The following MSH3 variants were observed in gnomAD, a reference collection of about 807,000 sequenced individuals.
The protein encoded by MSH3 is mutS homolog 3.
MSH3 carries 106 observed loss-of-function variants against 123.3 expected under a neutral mutation model. That is an observed-to-expected ratio of 0.86 (90% CI 0.73 to 1.01). MSH3 has a LOEUF of 1.01. Ranked by LOEUF, MSH3 falls within the 50% of genes least tolerant of loss-of-function variation. The probability of loss-of-function intolerance (pLI) is 0.00; values close to 1 mark genes in which losing one functional copy is unlikely to be tolerated. For synonymous variants in MSH3, 515 were observed against 481.4 expected (o/e 1.07, Z -0.91); for missense variants, 1,459 against 1,347.6 (o/e 1.08, Z -1.29).
rs1749675919 is a variant in MSH3, at chr5:80,670,292, T to C, written c.775T>C (p.Phe259Leu). 1 of 1,614,146 alleles carries C rather than the reference T, an allele frequency of 6.2e-7. No individual in the cohort carries two copies. Among genetic ancestry groups the C allele is most frequent in the Non-Finnish European group, 8.5e-7 (1 of 1,180,012 alleles). The change falls in exon 4 of 24, where the codon TTT (phenylalanine) becomes CTT (leucine). Residue 259 changes from phenylalanine (F) to leucine (L), a missense_variant. By Grantham distance (22) the Phe-to-Leu change is conservative. Transcript: ENST00000265081. Reference protein sequence around the residue: ...CVECGYKYRFFGEDAEIAARE... With the variant: ...CVECGYKYRFLGEDAEIAARE... ...GGAATGTGGATATAAGTATAGATTC[T>C]TTGGGGAAGATGCAGAGGTAAGTCG...
chr5:80,694,896 A>ATTTT (rs35665355), intron 8 of MSH3, among the ~76,000 whole-genome samples: 1 of 135,682 alleles, frequency 7.4e-6, no homozygotes, highest in Non-Finnish European at 1.6e-5. Context: ...GCTGTCAAGA[A>ATTTT]TTTTTTTTTT....
intron 17 of MSH3, among the ~76,000 whole-genome samples, chr5:80,786,053 TAGTG>T (rs1744502566): frequency 6.6e-6 from 1 of 151,850 alleles, no homozygotes; most frequent in Non-Finnish European, 1.5e-5. Flanking sequence ...GATGACGAGT[TAGTG>T]GGTGCAGCAC....
intron 11 of MSH3, among the ~76,000 whole-genome samples, chr5:80,743,272 G>A (rs1261213126): frequency 6.6e-6 from 1 of 152,128 alleles, no homozygotes; most frequent in Non-Finnish European, 1.5e-5. Context: ...TGCTGCTGCT[G>A]ATCTGAACTG....
At chr5:80,788,414 C>G (rs1290965845) in intron 18 of MSH3, among the ~76,000 whole-genome samples, 5 of 151,982 alleles carry the variant, frequency 3.3e-5, no homozygotes. Flanking sequence ...TCCATCCAGC[C>G]TGGGCAAGAG....
In MSH3 at chr5:80,813,644, A is replaced by ATAAAACAAGT. The variant is rs766212283; in HGVS notation, c.2718_2727dup (p.Ala910LysfsTer41). 6.2e-7 allele frequency: 1 copy of ATAAAACAAGT among 1,614,228 alleles called. No individual in the cohort carries two copies. Among genetic ancestry groups the ATAAAACAAGT allele is most frequent in the Non-Finnish European group, 8.5e-7 (1 of 1,180,018 alleles). On this transcript the variant is annotated frameshift_variant, in exon 20 of 24. Transcript: ENST00000265081. LOFTEE classifies it high-confidence loss of function. ...AAACATGGGTGGAAAGAGCTCCTAC[A>ATAAAACAAGT]TAAAACAAGTTGCATTGATTACCAT...
chr5:80,816,115 G>A (rs1432820849), intron 20 of MSH3, among the ~76,000 whole-genome samples: 2 of 152,170 alleles, frequency 1.3e-5, no homozygotes, highest in Non-Finnish European at 2.9e-5. Flanking sequence ...TGTACTAAGT[G>A]AATACCTAAC....
At chr5:80,844,955 G>T (rs1745694431) in intron 20 of MSH3, among the ~76,000 whole-genome samples, 1 of 152,158 alleles carries the variant, frequency 6.6e-6, no homozygotes, top group South Asian at 2.1e-4. Flanking sequence ...GCTGTTAGCT[G>T]GTTATTTTGC....
chr5:80,719,911 G>A (rs80251234), intron 8 of MSH3, among the ~76,000 whole-genome samples: 70 of 152,290 alleles, frequency 4.6e-4, no homozygotes, highest in Non-Finnish European at 7.9e-4. Context: ...TTAAAGCGCC[G>A]AGTACTGGGC....
intron 22 of MSH3, among the ~76,000 whole-genome samples, chr5:80,869,672 C>T (rs1746169733): frequency 6.6e-6 from 1 of 151,276 alleles, no homozygotes; most frequent in African/African-American, 2.4e-5. Context: ...GTATTCAGAG[C>T]AGTGAAATAT....
At chr5:80,838,724 T>C (rs969406204) in intron 20 of MSH3, among the ~76,000 whole-genome samples, 3 of 152,148 alleles carry the variant, frequency 2.0e-5, no homozygotes, top group African/African-American at 7.2e-5. Flanking sequence ...ACAAGGAAGC[T>C]ACAACCACAT....
Position 80,741,445 on chromosome 5 carries a change from A to T in MSH3, c.1569-19A>T. ...TTATGCACTTACATCTAGGCTAATT[A>T]TATTTGATTCTTTTACAGGAATTTT... On this transcript the variant is annotated intron_variant, in intron 10 of 23. Transcript: ENST00000265081. 1 of 1,461,370 alleles carries T rather than the reference A, an allele frequency of 6.8e-7. No individual in the cohort carries two copies. The highest frequency in any genetic ancestry group is 1.4e-5 in the African/African-American group (1 of 71,934). The allele number at this position is 1,461,370 out of a possible 1,614,324, so 90.5% of individuals were successfully genotyped here. A position where few individuals can be genotyped will look rare whatever the true frequency, so the allele number is the denominator to read the frequency against.
At chr5:80,757,710 A>G (rs1255685419) in intron 12 of MSH3, among the ~76,000 whole-genome samples, 5 of 152,128 alleles carry the variant, frequency 3.3e-5, no homozygotes, top group East Asian at 3.9e-4. Context: ...TCATCATCCA[A>G]TTGATGATGC....
chr5:80,788,488 T>A (rs1179355288), intron 18 of MSH3, among the ~76,000 whole-genome samples: 2 of 151,732 alleles, frequency 1.3e-5, no homozygotes, highest in Non-Finnish European at 2.9e-5. Flanking sequence ...AAGTTGTATG[T>A]CTTCCAAAGC....
intron 17 of MSH3, among the ~76,000 whole-genome samples, chr5:80,781,372 CTT>C (rs1744406388): frequency 1.3e-5 from 2 of 152,204 alleles, no homozygotes; most frequent in African/African-American, 4.8e-5. Flanking sequence ...CTTCTATTCT[CTT>C]GTCATTATTC....
rs774078017 is a variant in MSH3 at position 80,875,940 on chromosome 5, T to A, written c.*78T>A. On this transcript the variant is annotated 3_prime_UTR_variant, in exon 24 of 24. Transcript: ENST00000265081. The stretch of plus-strand genomic sequence containing the variant: ...ACAAAATAACTCTCCAGTAACAGCC[T>A]ATCTTTGTGTGACATGTGAGCATAA... 3 of 854,120 alleles carry A rather than the reference T, an allele frequency of 3.5e-6. 1 individual carries two copies. The highest frequency in any genetic ancestry group is 5.9e-6 in the Non-Finnish European group (3 of 508,566). The allele number at this position is 854,120 out of a possible 1,614,324, so 52.9% of individuals were successfully genotyped here. A position where few individuals can be genotyped will look rare whatever the true frequency, so the allele number is the denominator to read the frequency against.
intron 13 of MSH3, among the ~76,000 whole-genome samples, chr5:80,764,655 G>C (rs1335114375): frequency 4.0e-5 from 6 of 151,860 alleles, no homozygotes; most frequent in African/African-American, 1.5e-4. Flanking sequence ...GAGCCACTGT[G>C]CTTAGCCTAA....
intron 6 of MSH3, 26 bp from the exon 7 acceptor site, chr5:80,674,957 A>G: frequency 6.7e-7 from 1 of 1,488,700 alleles, no homozygotes; most frequent in Non-Finnish European, 9.2e-7. Flanking sequence ...TTTAGCATAT[A>G]ATTATTTTTC....
chr5:80,809,163 T>C (rs1744962622), intron 19 of MSH3, among the ~76,000 whole-genome samples: 1 of 151,928 alleles, frequency 6.6e-6, no homozygotes, highest in South Asian at 2.1e-4. Context: ...ATATATTTTC[T>C]TAATTGTTTT....
intron 2 of MSH3, among the ~76,000 whole-genome samples, chr5:80,662,612 A>T (rs1580544832): frequency 6.6e-6 from 1 of 152,100 alleles, no homozygotes; most frequent in East Asian, 1.9e-4. Context: ...GGATCACCTG[A>T]GTTCAGGAGT....
Sources: gnomAD v4.1 joint callset for allele counts (sites outside exome capture counted in the v4.1 genomes callset) on GRCh38, gnomAD v4.1.1 for gene constraint, MANE v1.5 for transcripts, NCBI Gene and HGNC (gene_info 2026-07-23, HGNC 2026-07-21) for gene names.